The following KDM6B variants were observed in gnomAD, a reference collection of about 807,000 sequenced individuals.
KDM6B encodes lysine demethylase 6B.
Under a neutral mutation model 150.4 loss-of-function variants are expected in KDM6B, and 22 were observed. The ratio of observed to expected loss-of-function variants is 0.15; its 90% confidence interval spans 0.10 to 0.21. The LOEUF (loss-of-function observed/expected upper bound fraction) is 0.21, where lower values mean the gene tolerates loss of function less well. Ranked by LOEUF, KDM6B falls within the 10% of genes least tolerant of loss-of-function variation. The probability of loss-of-function intolerance (pLI) is 1.00; values close to 1 mark genes in which losing one functional copy is unlikely to be tolerated. For missense variants in KDM6B, 1,984 were observed against 2,234.3 expected, an observed-to-expected ratio of 0.89 and a Z score of 2.26; for synonymous variants, 1,148 against 921.1, an observed-to-expected ratio of 1.25 and a Z score of -4.46.
Position 7,848,540 on chromosome 17 carries a change from TCACCACCACCACCACCACCACCAC to T in KDM6B, c.2262_2285del (p.Thr755_Thr762del). ...ACCACTACTGCTCCTGCTGTCGCCG[TCACCACCACCACCACCACCACCAC>T]CACCACCACGGCCACCCAGGAAGAG... On this transcript the variant is annotated inframe_deletion, in exon 12 of 24. Transcript: ENST00000448097. 3 of 1,575,768 alleles carry T rather than the reference TCACCACCACCACCACCACCACCAC, an allele frequency of 1.9e-6. No homozygotes were observed. In the South Asian group the frequency reaches 3.4e-5, roughly 18 times the overall value.
rs373734474 is a variant in KDM6B at position 7,845,904 on chromosome 17, C to T, written c.170C>T (p.Pro57Leu). The change falls in exon 6 of 24, where the codon CCT becomes CTT. Residue 57 changes from proline to leucine, a missense_variant. Coordinates refer to ENST00000448097, the MANE Select transcript of KDM6B (RefSeq NM_001348716.2). ...CSASIGQPPL[P>L]APLPPSHGSS... is the part of the protein sequence containing the mutation. ...GCCAGCATTGGGCAGCCCCCGCTTC[C>T]TGCTCCCCTACCCCCTTCACATGGC... is the stretch of plus-strand genomic sequence containing the variant. 10 of 1,614,002 alleles carry T rather than the reference C, an allele frequency of 6.2e-6. No individual in the cohort carries two copies. In the African/African-American group the frequency reaches 6.7e-5, roughly 11 times the overall value.
At position 7,846,074 on chromosome 17, in the gene KDM6B, G is replaced by A. The variant is rs1466842007; in HGVS notation, c.237-4G>A. On this transcript the variant is annotated splice_region_variant and splice_polypyrimidine_tract_variant and intron_variant, in intron 6 of 23. Transcript: ENST00000448097. ...CCCACACCCCCACCCCTTCTGCTCT[G>A]TAGGGCGCCCACTCCAAGACCCCTC... 1 of 1,539,994 alleles carries A rather than the reference G, an allele frequency of 6.5e-7. No individual in the cohort carries two copies. The highest frequency in any genetic ancestry group is 8.8e-7 in the Non-Finnish European group (1 of 1,138,400).
In KDM6B at chr17:7,846,285, C is replaced by T. The variant is rs923376789; in HGVS notation, c.444C>T (p.Gly148=). 1 of 1,612,778 alleles carries T rather than the reference C, an allele frequency of 6.2e-7. No homozygotes were observed. Among genetic ancestry groups the T allele is most frequent in the Non-Finnish European group, 8.5e-7 (1 of 1,179,426 alleles). The change falls in exon 7 of 24, where the codon GGC becomes GGT. Residue 148 remains glycine (G), a synonymous_variant. Transcript: ENST00000448097. ...GSFAELGPRI[G]RLQQAQLWNF... is the part of the protein sequence containing the mutation. ...TCGCTGAGCTGGGGCCCCGCATTGG[C>T]CGACTGCAGCAGGTAGGAGAAGGCA...
rs1354668348 is a variant in KDM6B, at chr17:7,852,176, C to G, written c.4308C>G (p.Ser1436=). ...ACGGCGTGGACTACTTGACGGGTTC[C>G]TGGTGGCCAATCCTGGATGATCTCT... ...DRHGVDYLTG[S]WWPILDDLYA... is the part of the protein sequence containing the mutation. The change falls in exon 20 of 24, where the codon TCC becomes TCG. Residue 1436 remains serine, a synonymous_variant. Coordinates refer to ENST00000448097, the MANE Select transcript of KDM6B (RefSeq NM_001348716.2). The G allele has an allele frequency of 6.2e-7, 1 of 1,614,038 alleles. No individual in the cohort carries two copies. Among genetic ancestry groups the G allele is most frequent in the Non-Finnish European group, 8.5e-7 (1 of 1,180,046 alleles).
chr17:7,848,465 A>C lies in KDM6B; in HGVS notation c.2177A>C (p.Lys726Thr). Residue 726 changes from lysine to threonine, a missense_variant, in exon 12 of 24, where the codon AAG (lysine) becomes ACG (threonine). By Grantham distance (78) the Lys-to-Thr change is moderately conservative (BLOSUM62 -1). This residue lies in a region of KDM6B where 1,379 missense variants were observed against 1,275.6 expected (regional missense o/e 1.08). Transcript: ENST00000448097. ...GGCGTGGCCCCCCAACCCCCGCTGA[A>C]GGAGCCCTTTGCATCTCTGCAGTCT... Reference protein sequence around the residue: ...EAGVAPQPPLKEPFASLQSPF... With the variant: ...EAGVAPQPPLTEPFASLQSPF... The C allele has an allele frequency of 6.2e-7, 1 of 1,612,044 alleles. No homozygotes were observed. The highest frequency in any genetic ancestry group is 1.1e-5 in the South Asian group (1 of 91,058).
chr17:7,846,371 G>GGGGGGGGGGGGGGGGGCCCCCCCCC, intron 7 of KDM6B, 29 bp from the exon 8 acceptor site: 1 of 1,488,922 alleles, frequency 6.7e-7, no homozygotes, highest in Non-Finnish European at 9.2e-7. Context: ...CCTGACATCT[G>GGGGGGGGGGGGGGGGGCCCCCCCCC]CCCCTGCCCC....
chr17:7,841,197 C>T lies in KDM6B; in HGVS notation c.-269+1173C>T, dbSNP rs148595504. The stretch of plus-strand genomic sequence containing the variant: ...GTAAAATACTTAATACAGTGCCTGG[C>T]ATGTAACAAATATTCACAAAATGCT... On this transcript the variant is annotated intron_variant, in intron 2 of 23. Coordinates refer to ENST00000448097, the MANE Select transcript of KDM6B (RefSeq NM_001348716.2). 9.8e-4 allele frequency among the ~76,000 whole-genome samples: 149 copies of T among 152,280 alleles called. 1 individual carries two copies. Among genetic ancestry groups the T allele is most frequent in the Admixed American group, 6.1e-3 (94 of 15,290 alleles).
rs1200404030 is a variant in KDM6B, at chr17:7,854,124, C to T, written c.*603C>T. Reference sequence around the variant, plus strand: ...CTCTATTTATTCATTTTTGGGAAAACCCGACCTCCCACACCCCCAAGCCAT... The same window carrying T: ...CTCTATTTATTCATTTTTGGGAAAATCCGACCTCCCACACCCCCAAGCCAT... On this transcript the variant is annotated 3_prime_UTR_variant, in exon 24 of 24. Transcript: ENST00000448097. 6.6e-6 allele frequency: 1 copy of T among 152,276 alleles called. No individual in the cohort carries two copies. The highest frequency in any genetic ancestry group is 1.5e-5 in the Non-Finnish European group (1 of 68,016). 9.4% of individuals were successfully genotyped at this position (152,276 alleles called of 1,614,324 possible).
rs1241119674 is a variant in KDM6B, at chr17:7,843,329, C to T, written c.-268-1572C>T. Among the ~76,000 whole-genome samples the T allele has an allele frequency of 1.3e-4, 20 of 152,126 alleles. No individual in the cohort carries two copies. On this transcript the variant is annotated intron_variant, in intron 2 of 23. Coordinates refer to ENST00000448097, the MANE Select transcript of KDM6B (RefSeq NM_001348716.2). The surrounding 1 kb of genome is among the most constrained non-coding windows in gnomAD (Gnocchi z 4.5). Reference sequence around the variant, plus strand: ...TACTTGACCACAGTTCAGCGCCGTACCTGGCTTGGTTACTGATGGAAAGGA... The same window carrying T: ...TACTTGACCACAGTTCAGCGCCGTATCTGGCTTGGTTACTGATGGAAAGGA...
chr17:7,841,421 C>CT (rs1471422902), intron 2 of KDM6B, among the ~76,000 whole-genome samples: 1 of 152,176 alleles, frequency 6.6e-6, no homozygotes, highest in Non-Finnish European at 1.5e-5. Flanking sequence ...CAGTGTCGCC[C>CT]CGACTCTGTT....
rs767547359 is a variant in KDM6B at position 7,849,745 on chromosome 17, C to G, written c.3440+17C>G. 7.4e-6 allele frequency: 12 copies of G among 1,612,580 alleles called. No homozygotes were observed. The highest frequency in any genetic ancestry group is 2.2e-5 in the East Asian group (1 of 44,872). On this transcript the variant is annotated intron_variant, in intron 12 of 23. Coordinates refer to ENST00000448097, the MANE Select transcript of KDM6B (RefSeq NM_001348716.2). ...CGCCAGCAGGTGAGTCGGCTGCCTG[C>G]TTGCTTGTCCCGGAGACAGGCTCCC...
At position 7,843,713 on chromosome 17, in the gene KDM6B, C is replaced by G. The variant is rs550777689; in HGVS notation, c.-268-1188C>G. Among the ~76,000 whole-genome samples the G allele has an allele frequency of 1.3e-5, 2 of 152,240 alleles. No individual in the cohort carries two copies. Among genetic ancestry groups the G allele is most frequent in the East Asian group, 3.9e-4 (2 of 5,156 alleles). On this transcript the variant is annotated intron_variant, in intron 2 of 23. Coordinates refer to ENST00000448097, the MANE Select transcript of KDM6B (RefSeq NM_001348716.2). The surrounding 1 kb of genome is among the most constrained non-coding windows in gnomAD (Gnocchi z 4.5). ...CGCCCCCGCGGCTTTGTACTCGACACTCGCCTCTCGCTGCTCTTTGTACTC... is the reference window on the plus strand; with the variant it reads ...CGCCCCCGCGGCTTTGTACTCGACAGTCGCCTCTCGCTGCTCTTTGTACTC...
At chr17:7,842,622 A>C (rs968375578) in intron 2 of KDM6B, among the ~76,000 whole-genome samples, 1 of 152,102 alleles carries the variant, frequency 6.6e-6, no homozygotes, top group Non-Finnish European at 1.5e-5. Flanking sequence ...AACAGGTGCA[A>C]GCGCCGCGTC....
Position 7,853,479 on chromosome 17 carries a change from G to A in KDM6B, c.4909-19G>A. ...CGGCCGCGCCTTTCCCTGAGCCCCC[G>A]CCGGCTTTCTCCCCCCAGGCCCCAG... is the stretch of plus-strand genomic sequence containing the variant. On this transcript the variant is annotated intron_variant, in intron 23 of 23. Coordinates refer to ENST00000448097, the MANE Select transcript of KDM6B (RefSeq NM_001348716.2). 1.3e-6 allele frequency: 2 copies of A among 1,503,802 alleles called. No homozygotes were observed. Among genetic ancestry groups the A allele is most frequent in the Non-Finnish European group, 1.8e-6 (2 of 1,133,444 alleles). 93.2% of individuals were successfully genotyped at this position (1,503,802 alleles called of 1,614,324 possible). A position where few individuals can be genotyped will look rare whatever the true frequency, so the allele number is the denominator to read the frequency against.
At position 7,851,465 on chromosome 17, in the gene KDM6B, T is replaced by C. The variant is rs1737613222; in HGVS notation, c.3945-13T>C. On this transcript the variant is annotated splice_polypyrimidine_tract_variant and intron_variant, in intron 16 of 23. Transcript: ENST00000448097. ...CTCTGCTCTCCACCAACCTGTGCTC[T>C]TCGCCCCAGCAGCAGCGCACCAGAC... 6.2e-7 allele frequency: 1 copy of C among 1,614,200 alleles called. No homozygotes were observed. Among genetic ancestry groups the C allele is most frequent in the Non-Finnish European group, 8.5e-7 (1 of 1,180,044 alleles).
rs1350100929 is a variant in KDM6B, at chr17:7,844,488, G to C, written c.-268-413G>C. 1 of 152,216 alleles carries C rather than the reference G, an allele frequency of 6.6e-6. No individual in the cohort carries two copies. The highest frequency in any genetic ancestry group is 1.5e-5 in the Non-Finnish European group (1 of 68,078). The allele number at this position is 152,216 out of a possible 1,614,324, so 9.4% of individuals were successfully genotyped here. ...CCAGCCCTAAGCAGTTAATAGGGGCGCTCGGGGTAGGGAGGTCTGTCACTG... is the reference window on the plus strand; with the variant it reads ...CCAGCCCTAAGCAGTTAATAGGGGCCCTCGGGGTAGGGAGGTCTGTCACTG... On this transcript the variant is annotated intron_variant, in intron 2 of 23. Coordinates refer to ENST00000448097, the MANE Select transcript of KDM6B (RefSeq NM_001348716.2). This position sits in a 1 kb window ranked among gnomAD's most constrained non-coding sequence, Gnocchi z 5.9.
chr17:7,840,996 A>C (rs748204822), intron 2 of KDM6B, among the ~76,000 whole-genome samples: 4 of 152,178 alleles, frequency 2.6e-5, no homozygotes, highest in Non-Finnish European at 5.9e-5. Flanking sequence ...GAGGCAGTAC[A>C]TAAGAGTGGT....
At position 7,852,308 on chromosome 17, in the gene KDM6B, C is replaced by T. The variant is rs758394492; in HGVS notation, c.4440C>T (p.Asn1480=). ...TGCAGGCCACCGGCTGGTGCAACAA[C>T]ATTGCCTGGAACGTGGGGCCCCTCA... ...HWVQATGWCN[N]IAWNVGPLTA... Residue 1480 remains asparagine (N), a synonymous_variant, in exon 20 of 24, where the codon AAC becomes AAT. Coordinates refer to ENST00000448097, the MANE Select transcript of KDM6B (RefSeq NM_001348716.2). The T allele has an allele frequency of 6.2e-7, 1 of 1,613,360 alleles. No homozygotes were observed. Among genetic ancestry groups the T allele is most frequent in the East Asian group, 2.2e-5 (1 of 44,892 alleles).
chr17:7,846,042 A>ACCCCCC, intron 6 of KDM6B, 36 bp from the exon 7 acceptor site: 2 of 1,373,126 alleles, frequency 1.5e-6, no homozygotes, highest in Non-Finnish European at 2.0e-6. Context: ...CTCAAGCCCA[A>ACCCCCC]CCCCCACCCA....
Sources: gnomAD v4.1 joint callset for allele counts (sites outside exome capture counted in the v4.1 genomes callset) on GRCh38, gnomAD v4.1.1 for gene constraint, gnomAD v4.1.1 regional missense constraint, Gnocchi (gnomAD v3.1) non-coding constraint, MANE v1.5 for transcripts, NCBI Gene and HGNC (gene_info 2026-07-23, HGNC 2026-07-21) for gene names.